Variants in ERI1 observed in about 807,000 individuals in gnomAD.
The protein encoded by ERI1 is 3'-5' exoribonuclease 1.
In ERI1, 39 loss-of-function variants were observed where a neutral mutation model predicts 39.7. That is an observed-to-expected ratio of 0.98 (90% confidence interval 0.76 to 1.28). ERI1 has a LOEUF of 1.28. Among genes scored for constraint, ERI1 ranks in the 50% most tolerant of loss-of-function variants. ERI1 has a pLI of 0.00. For synonymous variants in ERI1, 204 were observed against 149.6 expected (o/e 1.36, Z -2.65); for missense variants, 581 against 416.9 (o/e 1.39, Z -3.43).
intron 3 of ERI1, among the ~76,000 whole-genome samples, chr8:9,046,911 A>T (rs1563355114): frequency 6.6e-6 from 1 of 152,188 alleles, no homozygotes. Context: ...ACACACGCTG[A>T]TTGCAGCCTG....
chr8:9,059,150 A>T (rs1015094479), intron 3 of ERI1, among the ~76,000 whole-genome samples: 2 of 152,076 alleles, frequency 1.3e-5, no homozygotes, highest in African/African-American at 4.8e-5. Context: ...ATGAGCCAGG[A>T]GAAGGAATTT....
intron 3 of ERI1, among the ~76,000 whole-genome samples, chr8:9,058,980 C>G (rs1481062192): frequency 6.6e-6 from 1 of 152,178 alleles, no homozygotes; most frequent in East Asian, 1.9e-4. Flanking sequence ...GTTTATTTCA[C>G]CTGGGTACAG....
intron 3 of ERI1, among the ~76,000 whole-genome samples, chr8:9,091,964 G>C (rs1162838608): frequency 6.6e-6 from 1 of 152,158 alleles, no homozygotes; most frequent in African/African-American, 2.4e-5. Flanking sequence ...TGTTTTTGTT[G>C]TTGTTGTTTT....
In ERI1 at chr8:9,030,883, A is replaced by G. The variant is rs1451353648; in HGVS notation, c.*849A>G. ...GTATTCAGTATCGTAAGTGAGGTTAATAAAGTCAATACTTTCTACCATATA... is the reference window on the plus strand; with the variant it reads ...GTATTCAGTATCGTAAGTGAGGTTAGTAAAGTCAATACTTTCTACCATATA... On this transcript the variant is annotated 3_prime_UTR_variant, in exon 7 of 7. Transcript: ENST00000250263. The G allele has an allele frequency of 2.6e-5, 4 of 152,208 alleles. No individual in the cohort carries two copies. Among genetic ancestry groups the G allele is most frequent in the Non-Finnish European group, 4.4e-5 (3 of 68,006 alleles). The allele number at this position is 152,208 out of a possible 1,614,324, so 9.4% of individuals were successfully genotyped here.
At chr8:9,050,075 A>G (rs111879017) in intron 3 of ERI1, among the ~76,000 whole-genome samples, 1 of 152,126 alleles carries the variant, frequency 6.6e-6, no homozygotes, top group South Asian at 2.1e-4. Flanking sequence ...GTAAGATAGA[A>G]CTAATACTAT....
Position 9,029,817 on chromosome 8 carries a change from C to G in ERI1, c.833C>G (p.Thr278Arg), listed in dbSNP as rs747309040. The change falls in exon 7 of 7, where the codon ACA becomes AGA. Residue 278 changes from threonine (T) to arginine (R), a missense_variant. Thr to Arg is a moderately conservative substitution (Grantham distance 71). Coordinates refer to ENST00000250263, the MANE Select transcript of ERI1 (RefSeq NM_153332.4). ...YKVPRSQTKL[T>R]IMLEKLGMDY... Reference sequence around the variant, plus strand: ...GTTCCTAGAAGCCAAACCAAACTGACAATAATGCTTGAAAAATTAGGAATG... The same window carrying G: ...GTTCCTAGAAGCCAAACCAAACTGAGAATAATGCTTGAAAAATTAGGAATG... 10 of 1,613,990 alleles carry G rather than the reference C, an allele frequency of 6.2e-6. No individual in the cohort carries two copies. The South Asian group carries it at 1.1e-4, about 18-fold the overall frequency.
At chr8:9,047,044 G>A (rs1019934807) in intron 3 of ERI1, among the ~76,000 whole-genome samples, 3 of 152,146 alleles carry the variant, frequency 2.0e-5, no homozygotes, top group Admixed American at 6.5e-5. Context: ...CCCAAGAACC[G>A]AATAAAGCAC....
At chr8:9,073,647 GA>G (rs2117433204) in intron 3 of ERI1, among the ~76,000 whole-genome samples, 1 of 152,138 alleles carries the variant, frequency 6.6e-6, no homozygotes, top group Non-Finnish European at 1.5e-5. Context: ...AAATGTCGCT[GA>G]AAAATTATAT....
intron 3 of ERI1, among the ~76,000 whole-genome samples, chr8:9,045,851 G>A (rs1056239264): frequency 3.3e-5 from 5 of 151,646 alleles, no homozygotes; most frequent in African/African-American, 1.2e-4. Flanking sequence ...TAATATTTTT[G>A]TATTTTTAGT....
chr8:9,018,884 A>T (rs576271269), intron 5 of ERI1, among the ~76,000 whole-genome samples: 1 of 152,258 alleles, frequency 6.6e-6, no homozygotes, highest in South Asian at 2.1e-4. Flanking sequence ...CATTTTTCAA[A>T]GCCCATCTTG....
At chr8:9,054,215 T>C (rs1051670032) in intron 3 of ERI1, among the ~76,000 whole-genome samples, 14 of 152,228 alleles carry the variant, frequency 9.2e-5, no homozygotes, top group African/African-American at 3.4e-4. Flanking sequence ...TTAAATAACC[T>C]ATTTTGGACT....
chr8:9,097,440 A>C (rs1455254828), intron 3 of ERI1, among the ~76,000 whole-genome samples: 1 of 152,146 alleles, frequency 6.6e-6, no homozygotes, highest in South Asian at 2.1e-4. Context: ...AGGCAGGTGG[A>C]TCTCCTGAGT....
At chr8:9,079,045 G>C (rs1010569907) in intron 3 of ERI1, among the ~76,000 whole-genome samples, 3 of 152,176 alleles carry the variant, frequency 2.0e-5, no homozygotes, top group African/African-American at 7.2e-5. Context: ...GTGAAGCTTT[G>C]AGTGGAGAAG....
chr8:9,085,339 G>C (rs928929542), intron 3 of ERI1, among the ~76,000 whole-genome samples: 1 of 152,082 alleles, frequency 6.6e-6, no homozygotes, highest in African/African-American at 2.4e-5. Context: ...CTCCCAAGGA[G>C]ATGAGATTAC....
At chr8:9,087,873 G>T (rs1166131125) in intron 3 of ERI1, among the ~76,000 whole-genome samples, 1 of 152,130 alleles carries the variant, frequency 6.6e-6, no homozygotes, top group Non-Finnish European at 1.5e-5. Flanking sequence ...TGGGTGGGAT[G>T]GTCAATCACA....
At chr8:9,056,341 G>A (rs972493251) in intron 3 of ERI1, among the ~76,000 whole-genome samples, 1 of 152,162 alleles carries the variant, frequency 6.6e-6, no homozygotes, top group Non-Finnish European at 1.5e-5. Context: ...TATCTGTTGG[G>A]GTAAGGGGTT....
intron 3 of ERI1, among the ~76,000 whole-genome samples, chr8:9,078,064 A>C (rs1359858590): frequency 6.6e-6 from 1 of 152,012 alleles, no homozygotes; most frequent in Admixed American, 6.6e-5. Context: ...ATCTCGGCTC[A>C]CTGCAACCTC....
intron 6 of ERI1, 112 bp from the exon 7 acceptor site, chr8:9,029,680 C>T (rs995294695): frequency 7.6e-7 from 1 of 1,318,182 alleles, no homozygotes; most frequent in Non-Finnish European, 1.1e-6. Context: ...CTTTGCCTAG[C>T]TTTATTTAGC....
At chr8:9,016,932 C>G (rs535479291) in intron 4 of ERI1, among the ~76,000 whole-genome samples, 6 of 152,214 alleles carry the variant, frequency 3.9e-5, no homozygotes, top group African/African-American at 1.4e-4. Flanking sequence ...AGTGTCCCGC[C>G]TCGGCCTGCC....
Sources: allele counts gnomAD v4.1 joint callset (sites outside exome capture counted in the v4.1 genomes callset), GRCh38; gene constraint gnomAD v4.1.1; transcripts MANE v1.5; gene names NCBI Gene and HGNC (gene_info 2026-07-23, HGNC 2026-07-21).